Variants in TOMM6 observed in about 807,000 individuals in gnomAD.
TOMM6 encodes the protein translocase of outer mitochondrial membrane 6, also known as mitochondrial import receptor subunit TOM6 homolog.
TOMM6 carries 6 observed loss-of-function variants against 6.0 expected under a neutral mutation model. That is an observed-to-expected ratio of 1.00 (90% CI 0.55 to 1.98). The LOEUF is 1.98. Among genes scored for constraint, TOMM6 ranks in the 30% most tolerant of loss-of-function variants. The pLI, the probability that TOMM6 is intolerant of heterozygous loss-of-function variation, is 0.00. For synonymous variants in TOMM6, 44 were observed against 36.3 expected (o/e 1.21, Z -0.76); for missense variants, 104 against 95.3 (o/e 1.09, Z -0.38).
At chr6:41,789,372 G>C (rs1455524700) in intron 2 of TOMM6, 36 bp downstream of exon 2, 16 of 1,425,048 alleles carry the variant, frequency 1.1e-5, no homozygotes, top group Non-Finnish European at 1.6e-5. Context: ...TGTCTTAGGA[G>C]ACCTAGAGAC....
rs1169915700 is a variant in TOMM6, at chr6:41,789,320, G to A, written c.217G>A (p.Gly73Arg). ...CATTGACCTCATGGCACCTCAGCCAGGGGTGTAGCCAAGTAGGTAAGCACT... is the reference window on the plus strand; with the variant it reads ...CATTGACCTCATGGCACCTCAGCCAAGGGTGTAGCCAAGTAGGTAAGCACT... ...SDIDLMAPQP[G>R]V Residue 73 changes from glycine (G) to arginine (R), a missense_variant, in exon 2 of 3, where the codon GGG becomes AGG. Coordinates refer to ENST00000398881, the MANE Select transcript of TOMM6 (RefSeq NM_001382294.1). The A allele has an allele frequency of 6.4e-7, 1 of 1,551,678 alleles. No individual in the cohort carries two copies. Among genetic ancestry groups the A allele is most frequent in the South Asian group, 1.2e-5 (1 of 84,068 alleles).
In TOMM6 at chr6:41,789,219, A is replaced by AT. The variant is rs1303990041; in HGVS notation, c.129-11dup. On this transcript the variant is annotated splice_polypyrimidine_tract_variant and intron_variant, in intron 1 of 2. Coordinates refer to ENST00000398881, the MANE Select transcript of TOMM6 (RefSeq NM_001382294.1). ...AGTGACCACAGGGTTAATAAAACAC[A>AT]TTGTTTTTCCAGGAACTTGATACTA... The AT allele has an allele frequency of 1.9e-6, 3 of 1,549,526 alleles. No homozygotes were observed. The South Asian group carries it at 3.6e-5, about 18-fold the overall frequency.
intron 1 of TOMM6, among the ~76,000 whole-genome samples, chr6:41,788,369 C>T (rs1772722723): frequency 2.0e-5 from 3 of 147,338 alleles, no homozygotes; most frequent in Non-Finnish European, 4.5e-5. Flanking sequence ...TGGTCTCGAT[C>T]TCCTGACCTC....
chr6:41,789,417 A>C, intron 2 of TOMM6, 81 bp downstream of exon 2: 1 of 1,034,104 alleles, frequency 9.7e-7, no homozygotes, highest in Non-Finnish European at 1.5e-6. Context: ...AGTATTCATG[A>C]AATGTACAAA....
In TOMM6 at chr6:41,787,792, A is replaced by G. The variant is rs1772703059; in HGVS notation, c.95A>G (p.Tyr32Cys). 6.4e-7 allele frequency: 1 copy of G among 1,551,702 alleles called. No homozygotes were observed. Among genetic ancestry groups the G allele is most frequent in the Non-Finnish European group, 8.7e-7 (1 of 1,146,988 alleles). Reference sequence around the variant, plus strand: ...GTGGGAGATTGGCTTCGGGGCGTCTACCGCTTTGCCACTGATAGGAATGAC... The same window carrying G: ...GTGGGAGATTGGCTTCGGGGCGTCTGCCGCTTTGCCACTGATAGGAATGAC... ...DNVGDWLRGV[Y>C]RFATDRNDFR... The change falls in exon 1 of 3, where the codon TAC becomes TGC. Residue 32 changes from tyrosine to cysteine, a missense_variant. Transcript: ENST00000398881.
intron 1 of TOMM6, 82 bp downstream of exon 1, chr6:41,787,907 TTTTTTG>T: frequency 6.6e-7 from 1 of 1,509,524 alleles, no homozygotes; most frequent in Non-Finnish European, 8.9e-7. Flanking sequence ...CGCCTCAGGG[TTTTTTG>T]TTTTTGTTTT....
rs904812140 is a variant in TOMM6 at position 41,787,840 on chromosome 6, G to A, written c.128+15G>A. 1.3e-6 allele frequency: 2 copies of A among 1,551,620 alleles called. No individual in the cohort carries two copies. The highest frequency in any genetic ancestry group is 1.4e-5 in the African/African-American group (1 of 73,190). On this transcript the variant is annotated intron_variant, in intron 1 of 2. Coordinates refer to ENST00000398881, the MANE Select transcript of TOMM6 (RefSeq NM_001382294.1). ...GACTTCCGGAGGTAACCGAGCCCGA[G>A]GAACTTGGTCCTTTTCTGGCCCTTA...
At position 41,789,671 on chromosome 6, in the gene TOMM6, G is replaced by T; in HGVS notation, c.*112G>T. ...TGGCAGCTGAAGTTTGATTCAGATG[G>T]GCACTTTTCTTCCCCTTCCCTGCCT... On this transcript the variant is annotated 3_prime_UTR_variant, in exon 3 of 3. Coordinates refer to ENST00000398881, the MANE Select transcript of TOMM6 (RefSeq NM_001382294.1). 1 of 248,846 alleles carries T rather than the reference G, an allele frequency of 4.0e-6. No individual in the cohort carries two copies. Among genetic ancestry groups the T allele is most frequent in the African/African-American group, 2.2e-5 (1 of 45,524 alleles). The allele number at this position is 248,846 out of a possible 1,614,324, so 15.4% of individuals were successfully genotyped here.
chr6:41,787,905 G>A (rs547436087), intron 1 of TOMM6, 80 bp downstream of exon 1: 1 of 1,514,358 alleles, frequency 6.6e-7, no homozygotes, highest in East Asian at 2.5e-5. Context: ...GGCGCCTCAG[G>A]GTTTTTTGTT....
chr6:41,789,515 TCC>T, intron 2 of TOMM6, 51 bp from the exon 3 acceptor site: 1 of 561,892 alleles, frequency 1.8e-6, no homozygotes, highest in Non-Finnish European at 3.2e-6. Flanking sequence ...CCAGTTTCCC[TCC>T]CATACTTTTA....
intron 1 of TOMM6, 124 bp from the exon 2 acceptor site, chr6:41,789,107 GC>G: frequency 1.2e-6 from 1 of 856,232 alleles, no homozygotes. Context: ...TGAGCAACCT[GC>G]CGTCACAACC....
chr6:41,787,702 C>T lies in TOMM6; in HGVS notation c.5C>T (p.Ala2Val). The stretch of plus-strand genomic sequence containing the variant: ...GCCCATGCGAAGCTTTCCACTATGG[C>T]TTCCAGCACTGTCCCGGTGAGCGCT... The part of the protein sequence containing the change: M[A>V]SSTVPVSAAG... Residue 2 changes from alanine to valine, a missense_variant, in exon 1 of 3, where the codon GCT becomes GTT. By Grantham distance (64) the Ala-to-Val change is moderately conservative. Transcript: ENST00000398881. The T allele has an allele frequency of 6.4e-7, 1 of 1,551,638 alleles. No individual in the cohort carries two copies. Among genetic ancestry groups the T allele is most frequent in the Non-Finnish European group, 8.7e-7 (1 of 1,146,944 alleles).
chr6:41,789,513 C>A (rs1772755791), intron 2 of TOMM6, 55 bp from the exon 3 acceptor site: 1 of 565,924 alleles, frequency 1.8e-6, no homozygotes, highest in Non-Finnish European at 3.2e-6. Context: ...TACCAGTTTC[C>A]CTCCCATACT....
chr6:41,788,431 A>ACC (rs2127309625), intron 1 of TOMM6, among the ~76,000 whole-genome samples: 2 of 101,510 alleles, frequency 2.0e-5, no homozygotes, highest in African/African-American at 3.8e-5. Flanking sequence ...GGCGTGAGCC[A>ACC]CCACGCCCGG....
rs9891 is a variant in TOMM6, at chr6:41,787,796, C to G, written c.99C>G (p.Arg33=). The change falls in exon 1 of 3, where the codon CGC becomes CGG. Residue 33 remains arginine, a synonymous_variant. Coordinates refer to ENST00000398881, the MANE Select transcript of TOMM6 (RefSeq NM_001382294.1). ...GAGATTGGCTTCGGGGCGTCTACCG[C>G]TTTGCCACTGATAGGAATGACTTCC... is the stretch of plus-strand genomic sequence containing the variant. ...NVGDWLRGVY[R]FATDRNDFRR... 3.2e-6 allele frequency: 5 copies of G among 1,551,794 alleles called. No homozygotes were observed. Among genetic ancestry groups the G allele is most frequent in the East Asian group, 2.4e-5 (1 of 40,924 alleles).
At position 41,789,613 on chromosome 6, in the gene TOMM6, T is replaced by C; in HGVS notation, c.*54T>C. 1 of 335,250 alleles carries C rather than the reference T, an allele frequency of 3.0e-6. No individual in the cohort carries two copies. Among genetic ancestry groups the C allele is most frequent in the South Asian group, 3.2e-5 (1 of 31,176 alleles). The allele number at this position is 335,250 out of a possible 1,614,324, so 20.8% of individuals were successfully genotyped here. On this transcript the variant is annotated 3_prime_UTR_variant, in exon 3 of 3. Coordinates refer to ENST00000398881, the MANE Select transcript of TOMM6 (RefSeq NM_001382294.1). ...AACCCGAATCTTCCAAAAAACAGCC[T>C]ACAATCTGTGACCACCACAAGATGT... is the stretch of plus-strand genomic sequence containing the variant.
chr6:41,788,098 G>A (rs538876989), intron 1 of TOMM6, among the ~76,000 whole-genome samples: 1 of 152,074 alleles, frequency 6.6e-6, no homozygotes, highest in South Asian at 2.1e-4. Context: ...TTCGGCCCTG[G>A]ACTAGTGCTT....
At chr6:41,789,036 G>A (rs368567516) in intron 1 of TOMM6, among the ~76,000 whole-genome samples, 196 bp from the exon 2 acceptor site, 2 of 152,302 alleles carry the variant, frequency 1.3e-5, no homozygotes, top group South Asian at 2.1e-4. Flanking sequence ...GAACCACCGC[G>A]CCCAGCCTGA....
chr6:41,789,350 T>C lies in TOMM6; in HGVS notation c.*8+14T>C, dbSNP rs1397544803. ...GTAGCCAAGTAGGTAAGCACTGAAC[T>C]ACACCCATGCGTGTCTTAGGAGACC... On this transcript the variant is annotated intron_variant, in intron 2 of 2. Coordinates refer to ENST00000398881, the MANE Select transcript of TOMM6 (RefSeq NM_001382294.1). The C allele has an allele frequency of 6.5e-7, 1 of 1,533,566 alleles. No homozygotes were observed. The highest frequency in any genetic ancestry group is 1.4e-5 in the African/African-American group (1 of 72,822). The allele number at this position is 1,533,566 out of a possible 1,614,324, so 95.0% of individuals were successfully genotyped here.
Sources: allele counts gnomAD v4.1 joint callset (sites outside exome capture counted in the v4.1 genomes callset), GRCh38; gene constraint gnomAD v4.1.1; transcripts MANE v1.5; gene names NCBI Gene and HGNC (gene_info 2026-07-23, HGNC 2026-07-21).